PTPRT: variants seen among roughly 807,000 people sequenced by gnomAD.
The protein encoded by PTPRT is protein tyrosine phosphatase receptor type T.
A neutral mutation model predicts 176.8 loss-of-function variants in PTPRT; 56 were observed. The observed-to-expected ratio is 0.32, with a 90% CI of 0.26 to 0.40. PTPRT has a LOEUF of 0.40. PTPRT is among the 10% of genes least tolerant of loss of function. The probability of loss-of-function intolerance (pLI) is 1.00; values close to 1 mark genes in which losing one functional copy is unlikely to be tolerated. For missense variants in PTPRT, 1,540 were observed against 1,908.2 expected (o/e 0.81, Z 3.60); for synonymous variants, 783 against 739.0 (o/e 1.06, Z -0.96).
At chr20:43,149,628 C>T (rs913310545) in intron 1 of PTPRT, among the ~76,000 whole-genome samples, 1 of 152,208 alleles carries the variant, frequency 6.6e-6, no homozygotes, top group Non-Finnish European at 1.5e-5. Flanking sequence ...AGGTAATTTA[C>T]CACCTCACTC....
chr20:42,364,519 A>AT (rs550455910), intron 9 of PTPRT, among the ~76,000 whole-genome samples: 3 of 151,402 alleles, frequency 2.0e-5, no homozygotes, highest in Admixed American at 6.6e-5. Flanking sequence ...AGAGATGAAC[A>AT]TTTTTTTTTC....
chr20:42,363,270 TTATATATATATATATA>T (rs1212021931), intron 9 of PTPRT, among the ~76,000 whole-genome samples: 478 of 30,372 alleles, frequency 0.016, 16 homozygotes, highest in African/African-American at 0.052. Flanking sequence ...TTTATTACAA[TTATATATATATATATA>T]TATATATATA....
intron 6 of PTPRT, among the ~76,000 whole-genome samples, chr20:42,695,366 G>C (rs4812623): frequency 6.6e-6 from 1 of 151,972 alleles, no homozygotes; most frequent in Non-Finnish European, 1.5e-5. Context: ...ATGGTGTTCA[G>C]TCAAATATTT....
intron 1 of PTPRT, among the ~76,000 whole-genome samples, chr20:43,094,343 C>T (rs2012024562): frequency 6.6e-6 from 1 of 151,238 alleles, no homozygotes; most frequent in Non-Finnish European, 1.5e-5. Context: ...ATCTCAGCCT[C>T]CCGAAGTGCT....
chr20:42,419,137 T>C (rs551520631), intron 9 of PTPRT, among the ~76,000 whole-genome samples: 2 of 152,356 alleles, frequency 1.3e-5, no homozygotes, highest in African/African-American at 4.8e-5. Context: ...TGGTTTTCTC[T>C]GTGACGACTT....
At chr20:43,054,549 G>A (rs1276593867) in intron 1 of PTPRT, among the ~76,000 whole-genome samples, 3 of 142,080 alleles carry the variant, frequency 2.1e-5, no homozygotes, top group Non-Finnish European at 4.5e-5. Flanking sequence ...GTGAAACCCT[G>A]TCTCCAAAAA....
intron 1 of PTPRT, among the ~76,000 whole-genome samples, chr20:43,163,325 C>T (rs575589729): frequency 1.3e-5 from 2 of 152,192 alleles, no homozygotes; most frequent in South Asian, 2.1e-4. Flanking sequence ...ACGTGGTCCA[C>T]GCAGTACAAC....
the PTPRT span, among the ~76,000 whole-genome samples, chr20:42,059,789 G>A: frequency 4.6e-5 from 7 of 152,224 alleles, no homozygotes; most frequent in East Asian, 1.9e-4. Flanking sequence ...AGTCATTCCC[G>A]AGAAGCTCGA....
chr20:42,682,616 G>A (rs543411547), intron 6 of PTPRT, among the ~76,000 whole-genome samples: 1 of 152,320 alleles, frequency 6.6e-6, no homozygotes, highest in South Asian at 2.1e-4. Context: ...TTAAGGAGGA[G>A]GAAGTCTTGC....
intron 6 of PTPRT, among the ~76,000 whole-genome samples, chr20:42,744,749 A>C (rs183089636): frequency 6.6e-6 from 1 of 152,280 alleles, no homozygotes; most frequent in Admixed American, 6.5e-5. Flanking sequence ...CTCTCCCCTC[A>C]CCTTGAAATT....
chr20:42,647,234 A>T (rs1600542780), intron 7 of PTPRT, among the ~76,000 whole-genome samples: 1 of 152,022 alleles, frequency 6.6e-6, no homozygotes, highest in African/African-American at 2.4e-5. Flanking sequence ...CTTGTATTGC[A>T]TCCCCAGGTT....
chr20:42,539,329 T>C (rs143177564), intron 7 of PTPRT, among the ~76,000 whole-genome samples: 59 of 151,588 alleles, frequency 3.9e-4, no homozygotes, highest in African/African-American at 1.4e-3. Flanking sequence ...TTTCTGATCT[T>C]GGTGAATTAC....
chr20:42,337,476 A>C (rs2058056469), intron 11 of PTPRT, among the ~76,000 whole-genome samples: 1 of 152,156 alleles, frequency 6.6e-6, no homozygotes, highest in Non-Finnish European at 1.5e-5. Context: ...TGTACAGTCA[A>C]TGAAAGGATG....
intron 12 of PTPRT, among the ~76,000 whole-genome samples, chr20:42,298,483 C>T (rs2057418281): frequency 6.6e-6 from 1 of 152,166 alleles, no homozygotes; most frequent in Admixed American, 6.5e-5. Flanking sequence ...AATTCCTCTT[C>T]TAGGAATTCA....
chr20:42,908,763 T>C (rs1434171681), intron 1 of PTPRT, among the ~76,000 whole-genome samples: 2 of 152,238 alleles, frequency 1.3e-5, no homozygotes, highest in African/African-American at 2.4e-5. Flanking sequence ...ATAAGTGTGA[T>C]TGTCCACTGA....
intron 11 of PTPRT, among the ~76,000 whole-genome samples, chr20:42,344,058 C>G (rs1204385949): frequency 6.6e-6 from 1 of 152,198 alleles, no homozygotes; most frequent in Admixed American, 6.5e-5. Flanking sequence ...TGCCACCACA[C>G]CCAACGCATT....
At chr20:42,495,565 C>A (rs1452882436) in intron 7 of PTPRT, among the ~76,000 whole-genome samples, 2 of 152,188 alleles carry the variant, frequency 1.3e-5, no homozygotes, top group Non-Finnish European at 2.9e-5. Flanking sequence ...AGACCATCCA[C>A]AAGTGGTTTT....
intron 7 of PTPRT, among the ~76,000 whole-genome samples, chr20:42,662,622 T>A (rs987641254): frequency 6.6e-6 from 1 of 152,182 alleles, no homozygotes; most frequent in African/African-American, 2.4e-5. Context: ...AGGGGGAAAC[T>A]GATTCACAGA....
chr20:42,500,380 T>C (rs1348546895), intron 7 of PTPRT, among the ~76,000 whole-genome samples: 1 of 151,996 alleles, frequency 6.6e-6, no homozygotes, highest in African/African-American at 2.4e-5. Flanking sequence ...AATTTTATAA[T>C]TATTATATAA....
Sources: gnomAD v4.1 joint callset for allele counts (sites outside exome capture counted in the v4.1 genomes callset) on GRCh38, gnomAD v4.1.1 for gene constraint, MANE v1.5 for transcripts, NCBI Gene and HGNC (gene_info 2026-07-23, HGNC 2026-07-21) for gene names.